MAP4K3: variants seen among roughly 807,000 people sequenced by gnomAD.
MAP4K3 encodes the protein MAPK/ERK kinase kinase kinase 3.
A neutral mutation model predicts 143.5 loss-of-function variants in MAP4K3; 94 were observed. The ratio of observed to expected loss-of-function variants is 0.65; its 90% confidence interval spans 0.55 to 0.78. The LOEUF (loss-of-function observed/expected upper bound fraction) is 0.78, where lower values mean the gene tolerates loss of function less well. Among genes scored for constraint, MAP4K3 ranks in the 30% least tolerant of loss-of-function variants. The pLI is 0.00. For missense variants in MAP4K3, 1,077 were observed against 1,068.1 expected (o/e 1.01, Z -0.12); for synonymous variants, 416 against 347.2 (o/e 1.20, Z -2.20).
intron 2 of MAP4K3, 68 bp downstream of exon 2, chr2:39,377,998 T>C (rs1242610272): frequency 2.1e-6 from 2 of 934,254 alleles, no homozygotes; most frequent in Non-Finnish European, 3.4e-6. Flanking sequence ...CCAAACATCA[T>C]TAAAATAAGC....
chr2:39,383,773 G>C (rs185603662), intron 1 of MAP4K3, among the ~76,000 whole-genome samples: 79 of 151,698 alleles, frequency 5.2e-4, no homozygotes, highest in African/African-American at 1.8e-3. Context: ...TCTAAAATAG[G>C]GATCAGCAAA....
At chr2:39,414,479 G>A (rs1667314631) in intron 1 of MAP4K3, among the ~76,000 whole-genome samples, 1 of 152,142 alleles carries the variant, frequency 6.6e-6, no homozygotes, top group South Asian at 2.1e-4. Flanking sequence ...TTTCAGTAAT[G>A]TTTTTGAGAA....
At chr2:39,291,251 A>G (rs961069684) in intron 18 of MAP4K3, among the ~76,000 whole-genome samples, 29 of 152,234 alleles carry the variant, frequency 1.9e-4, no homozygotes, top group African/African-American at 5.5e-4. Context: ...AATTTGTATT[A>G]TAATTATTTC....
chr2:39,422,204 C>G lies in MAP4K3; in HGVS notation c.96+14688G>C, dbSNP rs564472968. Among the ~76,000 whole-genome samples the G allele has an allele frequency of 5.7e-4, 86 of 152,102 alleles. 1 individual carries two copies. Among genetic ancestry groups the G allele is most frequent in the Non-Finnish European group, 9.3e-4 (63 of 67,986 alleles). On this transcript the variant is annotated intron_variant, in intron 1 of 33. Transcript: ENST00000263881. ...GATCAAACTCCTTGAAAAGAGACCACAGACAATGTCACCATTTCCTCCTGC... is the reference window on the plus strand; with the variant it reads ...GATCAAACTCCTTGAAAAGAGACCAGAGACAATGTCACCATTTCCTCCTGC...
intron 1 of MAP4K3, among the ~76,000 whole-genome samples, chr2:39,424,414 C>T (rs1664995232): frequency 6.6e-6 from 1 of 152,088 alleles, no homozygotes; most frequent in Non-Finnish European, 1.5e-5. Context: ...ATTTTAAAAC[C>T]ATCTGAGTAC....
At chr2:39,391,679 A>T (rs974733524) in intron 1 of MAP4K3, among the ~76,000 whole-genome samples, 2 of 152,188 alleles carry the variant, frequency 1.3e-5, no homozygotes, top group Non-Finnish European at 1.5e-5. Flanking sequence ...TGAATGAGTA[A>T]TTAAAATCAG....
chr2:39,330,201 A>T (rs1230440170), intron 8 of MAP4K3, among the ~76,000 whole-genome samples: 2 of 152,092 alleles, frequency 1.3e-5, no homozygotes, highest in African/African-American at 4.8e-5. Flanking sequence ...TAAAAACAAT[A>T]AAAAAATATT....
intron 1 of MAP4K3, among the ~76,000 whole-genome samples, chr2:39,413,979 C>G (rs2148620318): frequency 6.6e-6 from 1 of 152,238 alleles, no homozygotes; most frequent in Non-Finnish European, 1.5e-5. Context: ...TCGCTAATTC[C>G]TATTACAATC....
At chr2:39,401,110 T>C (rs1666942690) in intron 1 of MAP4K3, among the ~76,000 whole-genome samples, 1 of 152,142 alleles carries the variant, frequency 6.6e-6, no homozygotes, top group Non-Finnish European at 1.5e-5. Flanking sequence ...TGGAGCCTGA[T>C]GGTCACCCTA....
chr2:39,322,586 T>C (rs1683342838), intron 12 of MAP4K3, among the ~76,000 whole-genome samples: 1 of 79,324 alleles, frequency 1.3e-5, no homozygotes. Flanking sequence ...GACTTAGATG[T>C]GGTATATGTG....
At chr2:39,385,691 G>A (rs971261421) in intron 1 of MAP4K3, among the ~76,000 whole-genome samples, 2 of 149,064 alleles carry the variant, frequency 1.3e-5, no homozygotes, top group South Asian at 2.1e-4. Flanking sequence ...GTGCAATGGC[G>A]CAATCTTGGC....
Position 39,335,710 on chromosome 2 carries a change from T to C in MAP4K3, c.414+1210A>G, listed in dbSNP as rs150597047. Among the ~76,000 whole-genome samples the C allele has an allele frequency of 8.4e-3, 1,285 of 152,326 alleles. 7 individuals are homozygous for C. The highest frequency in any genetic ancestry group is 0.044 in the Middle Eastern group (13 of 294). ...ACCTTTCTTGAGCTGCTCATCTTCC[T>C]GTGAGCTCTTCTACCTTTGAACTCC... On this transcript the variant is annotated intron_variant, in intron 6 of 33. Coordinates refer to ENST00000263881, the MANE Select transcript of MAP4K3 (RefSeq NM_003618.4).
At chr2:39,275,039 T>G (rs1681188375) in intron 24 of MAP4K3, among the ~76,000 whole-genome samples, 1 of 152,192 alleles carries the variant, frequency 6.6e-6, no homozygotes, top group African/African-American at 2.4e-5. Flanking sequence ...ACTAATTCTT[T>G]ACTCTTATAG....
intron 31 of MAP4K3, among the ~76,000 whole-genome samples, chr2:39,255,286 G>A (rs1199639486): frequency 6.6e-6 from 1 of 152,118 alleles, no homozygotes; most frequent in African/African-American, 2.4e-5. Context: ...TCTTTCTTGA[G>A]GGTAGACACC....
chr2:39,385,790 C>T (rs919038609), intron 1 of MAP4K3, among the ~76,000 whole-genome samples: 4 of 151,602 alleles, frequency 2.6e-5, no homozygotes, highest in East Asian at 1.9e-4. Flanking sequence ...CCACCACACC[C>T]GGCTAATTTT....
chr2:39,324,213 C>A (rs1683411952), intron 12 of MAP4K3, among the ~76,000 whole-genome samples: 1 of 152,106 alleles, frequency 6.6e-6, no homozygotes, highest in African/African-American at 2.4e-5. Context: ...TCGAGACCAA[C>A]CTGGCCAATG....
chr2:39,268,885 C>T (rs1266487242), intron 26 of MAP4K3, among the ~76,000 whole-genome samples: 3 of 151,884 alleles, frequency 2.0e-5, no homozygotes, highest in Non-Finnish European at 4.4e-5. Flanking sequence ...ATTGATCCAC[C>T]GTGCCTGACT....
At chr2:39,348,248 T>C (rs947925651) in intron 3 of MAP4K3, among the ~76,000 whole-genome samples, 2 of 152,030 alleles carry the variant, frequency 1.3e-5, no homozygotes, top group Admixed American at 1.3e-4. Context: ...GACACTACCT[T>C]CTACTTGAAG....
chr2:39,355,303 G>C (rs192781693), intron 3 of MAP4K3, among the ~76,000 whole-genome samples: 1 of 147,630 alleles, frequency 6.8e-6, no homozygotes, highest in African/African-American at 2.5e-5. Flanking sequence ...GGAAGGTGCG[G>C]TGAGCCGAGA....
Sources: gnomAD v4.1 joint callset for allele counts (sites outside exome capture counted in the v4.1 genomes callset) on GRCh38, gnomAD v4.1.1 for gene constraint, MANE v1.5 for transcripts, NCBI Gene and HGNC (gene_info 2026-07-23, HGNC 2026-07-21) for gene names.